NBPF20: variants seen among roughly 807,000 people sequenced by gnomAD.
NBPF20 encodes the protein NBPF member 20, also known as NBPF family member NBPF20.
A neutral mutation model predicts 68.1 loss-of-function variants in NBPF20; 90 were observed. The ratio of observed to expected loss-of-function variants is 1.32; its 90% CI spans 1.11 to 1.58. The LOEUF is 1.58. NBPF20 is among the 40% of genes most tolerant of loss of function. The pLI, the probability that NBPF20 is intolerant of heterozygous loss-of-function variation, is 0.00. For synonymous variants in NBPF20, 290 were observed against 228.1 expected, an observed-to-expected ratio of 1.27 and a Z score of -2.45; for missense variants, 816 against 601.2, an observed-to-expected ratio of 1.36 and a Z score of -3.74.
chr1:145,409,309 G>C (rs1313574736), upstream of NBPF20, among the ~76,000 whole-genome samples: 1 of 149,270 alleles, frequency 6.7e-6, no homozygotes, highest in Non-Finnish European at 1.5e-5. Context: ...ATCATTCCGC[G>C]TTTGGGCTAT....
At chr1:145,393,686 G>C in intron 9 of NBPF20, 198 bp downstream of exon 14, 2 of 1,418,974 alleles carry the variant, frequency 1.4e-6, no homozygotes, top group Non-Finnish European at 1.9e-6. Context: ...ACTTTCACTA[G>C]GTTAGTAAAT....
chr1:145,402,419 G>A (rs1277076173), intron 3 of NBPF20, 38 bp from the exon 9 acceptor site: 3 of 1,604,748 alleles, frequency 1.9e-6, no homozygotes, highest in African/African-American at 1.3e-5. Flanking sequence ...AGAGTGGAAA[G>A]GTTCAGTGAT....
At chr1:145,291,601 C>G (rs781886628) in exon 138 of NBPF20, 2 of 1,611,790 alleles carry the variant, frequency 1.2e-6, no homozygotes, top group African/African-American at 2.7e-5. Context: ...ACCTATTGTC[C>G]ACGTAAAGGG....
rs1452708377 is a variant in NBPF20 at position 145,393,420 on chromosome 1, G to C, written c.1044-174C>G. Reference sequence around the variant, plus strand: ...GGATAGACTAGGGCCAGGTAGAAAAGGATGAAAGAGAGAGACACACACTCA... The same window carrying C: ...GGATAGACTAGGGCCAGGTAGAAAACGATGAAAGAGAGAGACACACACTCA... On this transcript the variant is annotated intron_variant, in intron 9 of 137. Transcript: ENST00000369373. 8.7e-5 allele frequency among the ~76,000 whole-genome samples: 13 copies of C among 149,258 alleles called. 1 individual carries two copies. The highest frequency in any genetic ancestry group is 4.7e-4 in the Admixed American group (7 of 14,864).
intron 4 of NBPF20, among the ~76,000 whole-genome samples, chr1:145,401,803 T>A (rs1262474642): frequency 0.036 from 51 of 1,408 alleles, no homozygotes; most frequent in South Asian, 0.071. Flanking sequence ...TCATTCACTC[T>A]CTGACAGTTA....
the NBPF20 span, among the ~76,000 whole-genome samples, chr1:145,411,459 T>A: frequency 8.7e-6 from 1 of 114,514 alleles, no homozygotes; most frequent in Non-Finnish European, 1.8e-5. Context: ...TGATGCGATC[T>A]CGGCTCACTG....
chr1:145,424,039 GATC>G, the NBPF20 span, among the ~76,000 whole-genome samples: 3 of 143,588 alleles, frequency 2.1e-5, 1 homozygote. Context: ...GCACTGCCAT[GATC>G]ACGGCTCACT....
At chr1:145,421,414 G>A in the NBPF20 span, among the ~76,000 whole-genome samples, 1 of 152,164 alleles carries the variant, frequency 6.6e-6, no homozygotes, top group African/African-American at 2.4e-5. Context: ...TTTATGTCAG[G>A]TTGACTGTGA....
At chr1:145,400,276 G>C in intron 6 of NBPF20, 113 bp downstream of exon 11, 1 of 1,589,136 alleles carries the variant, frequency 6.3e-7, no homozygotes, top group Admixed American at 1.7e-5. Flanking sequence ...TATCTGTTTA[G>C]AAACCCATCA....
chr1:145,400,965 T>G (rs1306476987), intron 5 of NBPF20, 94 bp downstream of exon 10: 6 of 1,500,082 alleles, frequency 4.0e-6, no homozygotes, highest in East Asian at 2.3e-5. Flanking sequence ...CAAATGTGGG[T>G]TTTTGGCCGA....
chr1:145,393,831 G>C (rs1213892053), intron 9 of NBPF20, 53 bp downstream of exon 14: 14 of 1,293,680 alleles, frequency 1.1e-5, no homozygotes, highest in Non-Finnish European at 1.4e-5. Flanking sequence ...CCCTGGACTT[G>C]GCATCTCCAG....
intron 75 of NBPF20, among the ~76,000 whole-genome samples, chr1:145,341,237 T>A (rs1661614328): frequency 1.1e-4 from 4 of 36,034 alleles, no homozygotes; most frequent in African/African-American, 3.4e-4. Flanking sequence ...AAGGACACTC[T>A]GAGTTAGTGC....
At chr1:145,407,358 A>G (rs587676232), upstream of NBPF20, among the ~76,000 whole-genome samples, 1 of 143,304 alleles carries the variant, frequency 7.0e-6, no homozygotes, top group Admixed American at 7.0e-5. Context: ...GCAAACCAAC[A>G]TGGCACACGT....
At chr1:145,402,313 C>A (rs1662561642) in exon 4 of NBPF20, 1 of 1,610,446 alleles carries the variant, frequency 6.2e-7, no homozygotes, top group Admixed American at 1.7e-5. Context: ...GGCATCTCTC[C>A]CTTCCCGCAA....
intron 3 of NBPF20, 81 bp from the exon 9 acceptor site, chr1:145,402,462 T>A (rs1265399923): frequency 1.3e-6 from 2 of 1,526,372 alleles, no homozygotes; most frequent in South Asian, 2.2e-5. Flanking sequence ...ATTTCTGAGA[T>A]AATGTCCTCA....
chr1:145,306,293 A>G (rs1391028268), intron 119 of NBPF20, among the ~76,000 whole-genome samples: 4 of 149,112 alleles, frequency 2.7e-5, no homozygotes, highest in African/African-American at 9.9e-5. Context: ...ACACACACAC[A>G]CACACAGACA....
chr1:145,397,646 A>G (rs1240259277), intron 7 of NBPF20, among the ~76,000 whole-genome samples: 7 of 152,220 alleles, frequency 4.6e-5, no homozygotes, highest in Non-Finnish European at 1.0e-4. Flanking sequence ...AACTGTAAAG[A>G]CCATTGACGC....
chr1:145,400,452 C>G, exon 6 of NBPF20: 4 of 1,613,106 alleles, frequency 2.5e-6, no homozygotes, highest in Non-Finnish European at 3.4e-6. Context: ...AGAGTTGAGT[C>G]GACTTTGTCT....
At chr1:145,419,818 G>T in the NBPF20 span, among the ~76,000 whole-genome samples, 1 of 152,166 alleles carries the variant, frequency 6.6e-6, no homozygotes. Context: ...GTACCTAATA[G>T]TCACCCCATG....
Sources: gnomAD v4.1 joint callset for allele counts (sites outside exome capture counted in the v4.1 genomes callset) on GRCh38, gnomAD v4.1.1 for gene constraint, MANE v1.5 for transcripts, NCBI Gene and HGNC (gene_info 2026-07-23, HGNC 2026-07-21) for gene names.